GLDN: variants seen among roughly 807,000 people sequenced by gnomAD.
GLDN encodes collomin.
GLDN carries 47 observed loss-of-function variants against 56.5 expected under a neutral mutation model. The ratio of observed to expected loss-of-function variants is 0.83; its 90% CI spans 0.66 to 1.06. The LOEUF is 1.06. GLDN is among the 50% of genes least tolerant of loss of function. GLDN has a pLI of 0.00. For synonymous variants in GLDN, 332 were observed against 278.8 expected (o/e 1.19, Z -1.90); for missense variants, 782 against 714.3 (o/e 1.09, Z -1.08).
intron 1 of GLDN, among the ~76,000 whole-genome samples, chr15:51,371,621 C>T (rs2037518005): frequency 6.6e-6 from 1 of 152,174 alleles, no homozygotes; most frequent in Admixed American, 6.5e-5. Context: ...TCCCCTAACG[C>T]TATTGTATTA....
Position 51,400,236 on chromosome 15 carries a change from G to A in GLDN, c.862G>A (p.Ala288Thr). ...AAATGATGATACCTTGGTTGGAAAA[G>A]CTGATGAGAAAGCCAGTGAACACCA... is the stretch of plus-strand genomic sequence containing the variant. Reference protein sequence around the residue: ...IPNDDTLVGKADEKASEHHSP... With the variant: ...IPNDDTLVGKTDEKASEHHSP... The change falls in exon 7 of 10, where the codon GCT (alanine) becomes ACT (threonine). Residue 288 changes from alanine (A) to threonine (T), a missense_variant. By Grantham distance (58) the Ala-to-Thr change is moderately conservative. Transcript: ENST00000335449. The A allele has an allele frequency of 6.2e-7, 1 of 1,614,190 alleles. No individual in the cohort carries two copies. The highest frequency in any genetic ancestry group is 8.5e-7 in the Non-Finnish European group (1 of 1,180,026).
At chr15:51,395,858 A>G (rs57553814) in intron 5 of GLDN, among the ~76,000 whole-genome samples, 3,051 of 152,272 alleles carry the variant, frequency 0.02, 98 homozygotes, top group African/African-American at 0.07. Context: ...GAAACTTGTA[A>G]TCATGGCAGA....
At chr15:51,365,015 A>G (rs867061721) in intron 1 of GLDN, among the ~76,000 whole-genome samples, 1 of 152,260 alleles carries the variant, frequency 6.6e-6, no homozygotes, top group Admixed American at 6.5e-5. Flanking sequence ...ACAACAGAAG[A>G]TAAATACAAG....
chr15:51,412,184 C>A (rs1431083850), downstream of GLDN, among the ~76,000 whole-genome samples: 2 of 152,158 alleles, frequency 1.3e-5, no homozygotes, highest in Non-Finnish European at 2.9e-5. Context: ...AGAAGCTCAC[C>A]CACTGTCGCT....
At chr15:51,384,591 A>G in intron 4 of GLDN, 1 of 153,988 alleles carries the variant, frequency 6.5e-6, no homozygotes, top group Non-Finnish European at 1.4e-5. Flanking sequence ...GCCTGGCAGG[A>G]GGCTGGGGCA....
rs373136670 is a variant in GLDN at position 51,407,500 on chromosome 15, T to C, written c.*2746T>C. ...TAATTCTTCTTTAATCTAAAGTAGATAGCTTCCCACTGGAAAGTAAACAAA... is the reference window on the plus strand; with the variant it reads ...TAATTCTTCTTTAATCTAAAGTAGACAGCTTCCCACTGGAAAGTAAACAAA... On this transcript the variant is annotated 3_prime_UTR_variant, in exon 10 of 10. Coordinates refer to ENST00000335449, the MANE Select transcript of GLDN (RefSeq NM_181789.4). 7.9e-5 allele frequency: 12 copies of C among 152,318 alleles called. No individual in the cohort carries two copies. Among genetic ancestry groups the C allele is most frequent in the African/African-American group, 2.4e-4 (10 of 41,576 alleles). The allele number at this position is 152,318 out of a possible 1,614,324, so 9.4% of individuals were successfully genotyped here.
chr15:51,391,216 A>G (rs190074660), intron 4 of GLDN, among the ~76,000 whole-genome samples: 1 of 152,078 alleles, frequency 6.6e-6, no homozygotes, highest in Admixed American at 6.5e-5. Context: ...ATAGTGTTAA[A>G]TACCTGACCC....
At chr15:51,355,565 C>T (rs2037160166) in intron 1 of GLDN, among the ~76,000 whole-genome samples, 2 of 148,960 alleles carry the variant, frequency 1.3e-5, no homozygotes, top group Non-Finnish European at 3.0e-5. Context: ...ACTCTGTTGC[C>T]CAGGCTGGAG....
chr15:51,372,021 T>A (rs2037527259), intron 1 of GLDN, among the ~76,000 whole-genome samples: 1 of 152,146 alleles, frequency 6.6e-6, no homozygotes, highest in South Asian at 2.1e-4. Context: ...GACTGAGAAG[T>A]CTAGGGTTGA....
intron 6 of GLDN, among the ~76,000 whole-genome samples, chr15:51,398,484 C>T (rs552337479): frequency 6.6e-6 from 1 of 152,366 alleles, no homozygotes; most frequent in East Asian, 1.9e-4. Flanking sequence ...TTGCGGCCAT[C>T]TCCTCAATGG....
chr15:51,397,926 C>G (rs954777775), intron 6 of GLDN, among the ~76,000 whole-genome samples: 1 of 152,202 alleles, frequency 6.6e-6, no homozygotes, highest in African/African-American at 2.4e-5. Context: ...TAACTTTTTG[C>G]ACTCTTGAGA....
At chr15:51,365,940 T>C (rs539236570) in intron 1 of GLDN, among the ~76,000 whole-genome samples, 51 of 152,362 alleles carry the variant, frequency 3.3e-4, no homozygotes, top group Admixed American at 2.8e-3. Context: ...AAAAAGAGCC[T>C]GTCCCCTTTA....
At chr15:51,363,705 T>G (rs2141067829) in intron 1 of GLDN, among the ~76,000 whole-genome samples, 1 of 152,336 alleles carries the variant, frequency 6.6e-6, no homozygotes, top group Middle Eastern at 3.4e-3. Context: ...AGGAAGCGTT[T>G]CGAGAAGGAG....
intron 1 of GLDN, chr15:51,367,560 A>C (rs149403895): frequency 6.6e-6 from 1 of 152,236 alleles, no homozygotes; most frequent in Admixed American, 6.5e-5. Context: ...GGTTCCACCC[A>C]GTCTCCACCA....
chr15:51,383,691 C>T (rs2037820054), intron 3 of GLDN, 94 bp from the exon 4 acceptor site: 2 of 1,043,538 alleles, frequency 1.9e-6, no homozygotes, highest in Non-Finnish European at 2.8e-6. Flanking sequence ...TTGATGCCTG[C>T]TCAGTTTCAC....
At chr15:51,345,504 A>C (rs1166458543) in intron 1 of GLDN, among the ~76,000 whole-genome samples, 1 of 152,256 alleles carries the variant, frequency 6.6e-6, no homozygotes, top group African/African-American at 2.4e-5. Context: ...ATATGATTCC[A>C]TAATAGTCAA....
intron 5 of GLDN, among the ~76,000 whole-genome samples, chr15:51,396,578 A>T (rs914138561): frequency 6.6e-6 from 1 of 152,246 alleles, no homozygotes; most frequent in African/African-American, 2.4e-5. Context: ...ACATGTGAAC[A>T]TAACTATATA....
At position 51,397,493 on chromosome 15, in the gene GLDN, C is replaced by G. The variant is rs375203691; in HGVS notation, c.712C>G (p.Pro238Ala). Residue 238 changes from proline to alanine, a missense_variant, in exon 6 of 10, where the codon CCC becomes GCC. Coordinates refer to ENST00000335449, the MANE Select transcript of GLDN (RefSeq NM_181789.4). ...AGGTGCCAAAGGTGACCAAGGCCCA[C>G]CCGGTCCACCTGGGCCCCCAGGCCC... ...LAGAKGDQGPPGPPGPPGPPG... is the reference protein window; with the variant it reads ...LAGAKGDQGPAGPPGPPGPPG... 5 of 1,562,386 alleles carry G rather than the reference C, an allele frequency of 3.2e-6. No individual in the cohort carries two copies. In the Admixed American group the frequency reaches 9.2e-5, roughly 29 times the overall value.
Position 51,406,146 on chromosome 15 carries a change from C to T in GLDN, c.*1392C>T, listed in dbSNP as rs574046812. The T allele has an allele frequency of 3.3e-5, 5 of 152,212 alleles. No individual in the cohort carries two copies. The highest frequency in any genetic ancestry group is 7.3e-5 in the Non-Finnish European group (5 of 68,040). The allele number at this position is 152,212 out of a possible 1,614,324, so 9.4% of individuals were successfully genotyped here. A position where few individuals can be genotyped will look rare whatever the true frequency, so the allele number is the denominator to read the frequency against. ...AAGATGAAGTGGCCCTCCACAAAGG[C>T]TGGTTAGGGGACAGTTCTTTCTCTA... On this transcript the variant is annotated 3_prime_UTR_variant, in exon 10 of 10. Transcript: ENST00000335449.
Sources: gnomAD v4.1 joint callset for allele counts (sites outside exome capture counted in the v4.1 genomes callset) on GRCh38, gnomAD v4.1.1 for gene constraint, MANE v1.5 for transcripts, NCBI Gene and HGNC (gene_info 2026-07-23, HGNC 2026-07-21) for gene names.